The following THOC7 variants were observed in gnomAD, a reference collection of about 807,000 sequenced individuals.
THOC7 encodes NIF3L1-binding protein 1.
A neutral mutation model predicts 33.1 loss-of-function variants in THOC7; 22 were observed. The observed-to-expected ratio is 0.66, with a 90% confidence interval of 0.47 to 0.95. The LOEUF (loss-of-function observed/expected upper bound fraction) is 0.95, where lower values mean the gene tolerates loss of function less well. THOC7 is among the 40% of genes least tolerant of loss of function. THOC7 has a pLI of 0.00. For synonymous variants in THOC7, 77 were observed against 76.8 expected (o/e 1.00, Z -0.01); for missense variants, 184 against 245.3 (o/e 0.75, Z 1.67).
chr3:63,844,825 T>A (rs761679729), intron 1 of THOC7, among the ~76,000 whole-genome samples: 2 of 152,190 alleles, frequency 1.3e-5, no homozygotes, highest in East Asian at 3.8e-4. Flanking sequence ...CAAATAAACT[T>A]TTATTGCTTA....
intron 5 of THOC7, 25 bp from the exon 6 acceptor site, chr3:63,835,415 A>G (rs189936714): frequency 2.7e-4 from 439 of 1,606,804 alleles, no homozygotes; most frequent in Middle Eastern, 1.8e-3. Context: ...ACAGTGTTAC[A>G]TTTTGCTGAA....
intron 1 of THOC7, chr3:63,863,026 ATCACTATACTGGCTCC>A (rs1260242761): frequency 6.6e-6 from 1 of 152,314 alleles, no homozygotes; most frequent in Non-Finnish European, 1.5e-5. Context: ...AGACGGTCTC[ATCACTATACTGGCTCC>A]TCCTTACCCC....
intron 1 of THOC7, among the ~76,000 whole-genome samples, chr3:63,851,913 C>T (rs532788972): frequency 2.2e-4 from 34 of 152,254 alleles, no homozygotes; most frequent in African/African-American, 7.7e-4. Flanking sequence ...CAAGTCTGTC[C>T]CTCCCACCAC....
At chr3:63,841,688 T>C (rs1701764453) in intron 1 of THOC7, among the ~76,000 whole-genome samples, 2 of 152,222 alleles carry the variant, frequency 1.3e-5, no homozygotes, top group African/African-American at 4.8e-5. Flanking sequence ...ATTTTAAAAA[T>C]ACAAACTAAT....
chr3:63,845,473 T>C (rs1701871243), intron 1 of THOC7, among the ~76,000 whole-genome samples: 1 of 152,124 alleles, frequency 6.6e-6, no homozygotes. Context: ...CAGAGGGAAA[T>C]GTGCGTTACA....
At chr3:63,860,202 C>G (rs1245979331) in intron 1 of THOC7, among the ~76,000 whole-genome samples, 1 of 151,750 alleles carries the variant, frequency 6.6e-6, no homozygotes, top group Admixed American at 6.6e-5. Context: ...CCACACACGC[C>G]TGGCTAATTT....
chr3:63,860,576 G>T (rs1398778353), intron 1 of THOC7: 1 of 152,058 alleles, frequency 6.6e-6, no homozygotes, highest in Admixed American at 6.5e-5. Context: ...ATGAACACTA[G>T]ATCACAGAGC....
chr3:63,863,854 A>C, upstream of THOC7: 4 of 1,207,318 alleles, frequency 3.3e-6, no homozygotes, highest in South Asian at 8.2e-5. Context: ...GCGGCGGCGG[A>C]GGTCAAACTC....
At chr3:63,863,559 A>C in intron 1 of THOC7, 1 of 1,196,470 alleles carries the variant, frequency 8.4e-7, no homozygotes, top group African/African-American at 1.6e-5. Flanking sequence ...AGGGTCTCCG[A>C]GGGGCGCTCG....
At position 63,834,169 on chromosome 3, in the gene THOC7, GCTT is replaced by G. The variant is rs1559601182; in HGVS notation, c.575_577del (p.Glu192del). On this transcript the variant is annotated inframe_deletion, in exon 8 of 8. Transcript: ENST00000295899. ...ATCTGTTTCCATGCTTGCTTCCTGAGCTTCTTCTACCTCTGAGAGTTTTTCATC... is the reference window on the plus strand; with the variant it reads ...ATCTGTTTCCATGCTTGCTTCCTGAGCTTCTACCTCTGAGAGTTTTTCATC... 3.1e-6 allele frequency: 5 copies of G among 1,614,012 alleles called. No individual in the cohort carries two copies. The highest frequency in any genetic ancestry group is 2.2e-5 in the East Asian group (1 of 44,860).
intron 1 of THOC7, chr3:63,863,342 C>T (rs1702278381): frequency 1.5e-6 from 1 of 686,868 alleles, no homozygotes; most frequent in African/African-American, 1.9e-5. Flanking sequence ...AGGCCCCCAG[C>T]CCTAAGCCCG....
rs74966810 is a variant in THOC7, at chr3:63,844,117, A to C, written c.20-4344T>G. Among the ~76,000 whole-genome samples the C allele has an allele frequency of 5.0e-3, 764 of 152,342 alleles. 5 individuals are homozygous for C. Among genetic ancestry groups the C allele is most frequent in the African/African-American group, 0.017 (721 of 41,584 alleles). On this transcript the variant is annotated intron_variant, in intron 1 of 7. Transcript: ENST00000295899. ...GCAGGCACAGAGAGATAAATAATGC[A>C]TGATCACACTTACATATGGAATCTA...
chr3:63,836,094 C>G (rs756911418), intron 5 of THOC7, among the ~76,000 whole-genome samples: 1 of 151,838 alleles, frequency 6.6e-6, no homozygotes, highest in Non-Finnish European at 1.5e-5. Context: ...GATATTGATG[C>G]ATATTATATG....
chr3:63,858,963 C>T (rs1043069955), intron 1 of THOC7, among the ~76,000 whole-genome samples: 4 of 152,176 alleles, frequency 2.6e-5, no homozygotes, highest in African/African-American at 7.2e-5. Flanking sequence ...CAACTGGATA[C>T]GCAGACCCAG....
At chr3:63,861,813 G>C (rs1180035893) in intron 1 of THOC7, 2 of 146,994 alleles carry the variant, frequency 1.4e-5, no homozygotes, top group Non-Finnish European at 3.0e-5. Context: ...TTTTTAATGA[G>C]ACACGGTCTC....
At position 63,843,943 on chromosome 3, in the gene THOC7, A is replaced by G. The variant is rs990058758; in HGVS notation, c.20-4170T>C. ...ACTGTGGATGTGTGTGTATATATAT[A>G]TGTGTGTATGTGTTACACACACAAA... On this transcript the variant is annotated intron_variant, in intron 1 of 7. Coordinates refer to ENST00000295899, the MANE Select transcript of THOC7 (RefSeq NM_025075.4). Among the ~76,000 whole-genome samples the G allele has an allele frequency of 3.3e-5, 5 of 152,256 alleles. No individual in the cohort carries two copies. In the East Asian group the frequency reaches 5.8e-4, roughly 18 times the overall value.
At chr3:63,836,017 A>T (rs1701626339) in intron 5 of THOC7, among the ~76,000 whole-genome samples, 1 of 151,992 alleles carries the variant, frequency 6.6e-6, no homozygotes, top group Non-Finnish European at 1.5e-5. Flanking sequence ...GGGCATAACT[A>T]GTTTATTCTT....
intron 7 of THOC7, among the ~76,000 whole-genome samples, chr3:63,834,528 C>T (rs919503669): frequency 5.3e-5 from 8 of 151,992 alleles, no homozygotes; most frequent in African/African-American, 1.9e-4. Flanking sequence ...GGTGTGGTGG[C>T]ATGCACCTGT....
At chr3:63,857,468 G>A (rs1188039876) in intron 1 of THOC7, among the ~76,000 whole-genome samples, 1 of 152,196 alleles carries the variant, frequency 6.6e-6, no homozygotes, top group Non-Finnish European at 1.5e-5. Flanking sequence ...AAATGTTCAT[G>A]CAGATTCCTG....
Sources: gnomAD v4.1 joint callset for allele counts (sites outside exome capture counted in the v4.1 genomes callset) on GRCh38, gnomAD v4.1.1 for gene constraint, MANE v1.5 for transcripts, NCBI Gene and HGNC (gene_info 2026-07-23, HGNC 2026-07-21) for gene names.